Variants in NIPBL observed in about 807,000 individuals in gnomAD.
The protein encoded by NIPBL is nipped-B-like protein.
A neutral mutation model predicts 321.8 loss-of-function variants in NIPBL; 19 were observed. The observed-to-expected ratio is 0.06, with a 90% confidence interval of 0.04 to 0.09. NIPBL has a LOEUF of 0.09. Among genes scored for constraint, NIPBL ranks in the 10% least tolerant of loss-of-function variants. The probability of loss-of-function intolerance (pLI) is 1.00; values close to 1 mark genes in which losing one functional copy is unlikely to be tolerated. For synonymous variants in NIPBL, 1,106 were observed against 1,114.1 expected, an observed-to-expected ratio of 0.99 and a Z score of 0.14; for missense variants, 2,210 against 3,327.0, an observed-to-expected ratio of 0.66 and a Z score of 8.26.
chr5:36,884,331 A>C (rs1745726280), intron 1 of NIPBL, among the ~76,000 whole-genome samples: 1 of 152,144 alleles, frequency 6.6e-6, no homozygotes, highest in Non-Finnish European at 1.5e-5. Context: ...AGATCTTCCT[A>C]AGTTCAAAAT....
intron 42 of NIPBL, among the ~76,000 whole-genome samples, chr5:37,056,356 T>C (rs2149748656): frequency 6.6e-6 from 1 of 152,236 alleles, no homozygotes; most frequent in South Asian, 2.1e-4. Context: ...TAGGAGTGAG[T>C]GTTTTTTAGT....
intron 16 of NIPBL, among the ~76,000 whole-genome samples, chr5:37,006,116 C>T (rs1452834064): frequency 6.6e-6 from 1 of 151,930 alleles, no homozygotes; most frequent in East Asian, 1.9e-4. Context: ...ATAATTATAA[C>T]TTTGTCAGTA....
At chr5:37,041,252 GTTTTTTTTTTTT>G (rs1163179336) in intron 34 of NIPBL, among the ~76,000 whole-genome samples, 3 of 63,996 alleles carry the variant, frequency 4.7e-5, no homozygotes, top group African/African-American at 9.2e-5. Context: ...TTATGTGGTG[GTTTTTTTTTTTT>G]TTTTTTTTTT....
At chr5:36,880,769 C>T (rs150380) in intron 1 of NIPBL, among the ~76,000 whole-genome samples, 86,449 of 151,788 alleles carry the variant, frequency 0.57, 26,850 homozygotes, top group African/African-American at 0.83. Flanking sequence ...AATAATTCTT[C>T]GTATTTTAAA....
At chr5:36,923,093 C>T (rs761227526) in intron 1 of NIPBL, among the ~76,000 whole-genome samples, 37 of 152,064 alleles carry the variant, frequency 2.4e-4, no homozygotes, top group Non-Finnish European at 7.4e-5. Flanking sequence ...TCAAAACCAT[C>T]CTGGCCAACA....
intron 3 of NIPBL, 31 bp downstream of exon 3, chr5:36,955,668 A>G (rs1463865604): frequency 1.9e-6 from 3 of 1,597,564 alleles, no homozygotes; most frequent in African/African-American, 2.7e-5. Context: ...ATCTACTATA[A>G]GTGAAAAGTT....
chr5:37,000,637 A>G, intron 12 of NIPBL, 67 bp downstream of exon 12: 3 of 1,508,930 alleles, frequency 2.0e-6, no homozygotes, highest in Non-Finnish European at 2.8e-6. Context: ...AACTTTGAAG[A>G]ATATTTTATA....
chr5:36,928,528 C>G (rs1210003150), intron 1 of NIPBL, among the ~76,000 whole-genome samples: 1 of 152,156 alleles, frequency 6.6e-6, no homozygotes, highest in Non-Finnish European at 1.5e-5. Flanking sequence ...AGATTAATAT[C>G]TCTAGATGCA....
Position 37,028,333 on chromosome 5 carries a change from C to CTTTTT in NIPBL, c.5862+938_5862+942dup, listed in dbSNP as rs10676635. On this transcript the variant is annotated intron_variant, in intron 32 of 46. Transcript: ENST00000282516. ...CTTTCTTCTTTTGTTTTCCATAATA[C>CTTTTT]TTTTTTTTTTTTTTTTTTTTTGAGA... Among the ~76,000 whole-genome samples, 212 of 102,522 alleles carry CTTTTT rather than the reference C, an allele frequency of 2.1e-3. 4 individuals are homozygous for CTTTTT. The highest frequency in any genetic ancestry group is 7.7e-3 in the African/African-American group (180 of 23,500). 67.3% of individuals were successfully genotyped at this position (102,522 alleles called of 152,430 possible).
intron 1 of NIPBL, among the ~76,000 whole-genome samples, chr5:36,927,066 G>A (rs368569802): frequency 6.6e-6 from 1 of 152,124 alleles, no homozygotes; most frequent in Admixed American, 6.6e-5. Flanking sequence ...CTATAAATAT[G>A]TATATTCTCC....
intron 30 of NIPBL, among the ~76,000 whole-genome samples, chr5:37,025,871 G>C (rs978836473): frequency 1.3e-5 from 2 of 151,806 alleles, no homozygotes; most frequent in Admixed American, 1.3e-4. Flanking sequence ...ATAATAATAT[G>C]TATAATTGTC....
chr5:36,964,133 C>T (rs1406733908), intron 6 of NIPBL, among the ~76,000 whole-genome samples: 1 of 152,034 alleles, frequency 6.6e-6, no homozygotes, highest in Non-Finnish European at 1.5e-5. Context: ...CAGGGATTAG[C>T]CTCACCCAGA....
At chr5:36,892,707 A>G (rs1446196841) in intron 1 of NIPBL, among the ~76,000 whole-genome samples, 2 of 151,364 alleles carry the variant, frequency 1.3e-5, no homozygotes, top group African/African-American at 2.4e-5. Context: ...CAAACACCAC[A>G]TGTTCTCACT....
intron 14 of NIPBL, among the ~76,000 whole-genome samples, chr5:37,002,355 G>T (rs1164946651): frequency 6.6e-6 from 1 of 152,146 alleles, no homozygotes; most frequent in Admixed American, 6.5e-5. Flanking sequence ...AGAGGGCATG[G>T]GAGACTCTTG....
chr5:36,905,014 C>T (rs186737519), intron 1 of NIPBL, among the ~76,000 whole-genome samples: 2 of 152,218 alleles, frequency 1.3e-5, no homozygotes, highest in East Asian at 1.9e-4. Context: ...ATTAGTATGG[C>T]ATTAGTATGA....
At chr5:36,879,621 C>T (rs1745358110) in intron 1 of NIPBL, among the ~76,000 whole-genome samples, 1 of 152,042 alleles carries the variant, frequency 6.6e-6, no homozygotes, top group Non-Finnish European at 1.5e-5. Flanking sequence ...TTGGAATATT[C>T]ACTAGTGGCT....
At chr5:36,959,127 A>G (rs1258816059) in intron 4 of NIPBL, among the ~76,000 whole-genome samples, 2 of 152,170 alleles carry the variant, frequency 1.3e-5, no homozygotes, top group Non-Finnish European at 2.9e-5. Context: ...AGATCGCTTG[A>G]GCTCAGGAGG....
At chr5:36,940,477 C>T (rs1738945183) in intron 1 of NIPBL, among the ~76,000 whole-genome samples, 1 of 152,146 alleles carries the variant, frequency 6.6e-6, no homozygotes, top group Admixed American at 6.5e-5. Flanking sequence ...CTTAGCTAGG[C>T]TCTGTCCTTC....
At chr5:37,030,004 CAT>C (rs1177256503) in intron 32 of NIPBL, among the ~76,000 whole-genome samples, 1 of 152,096 alleles carries the variant, frequency 6.6e-6, no homozygotes, top group Non-Finnish European at 1.5e-5. Flanking sequence ...GGCTCTAAAT[CAT>C]ATATTTCATT....
Sources: gnomAD v4.1 joint callset for allele counts (sites outside exome capture counted in the v4.1 genomes callset) on GRCh38, gnomAD v4.1.1 for gene constraint, MANE v1.5 for transcripts, NCBI Gene and HGNC (gene_info 2026-07-23, HGNC 2026-07-21) for gene names.